COL22A1: variants seen among roughly 807,000 people sequenced by gnomAD.
COL22A1 encodes the protein collagen alpha-1(XXII) chain.
Under a neutral mutation model 248.9 loss-of-function variants are expected in COL22A1, and 221 were observed. That is an observed-to-expected ratio of 0.89 (90% CI 0.80 to 0.99). The LOEUF (loss-of-function observed/expected upper bound fraction) is 0.99. Among genes scored for constraint, COL22A1 ranks in the 50% least tolerant of loss-of-function variants. COL22A1 has a pLI of 0.00. For missense variants in COL22A1, 2,240 were observed against 2,179.0 expected (o/e 1.03, Z -0.56); for synonymous variants, 891 against 793.4 (o/e 1.12, Z -2.07).
chr8:138,635,082 C>A lies in COL22A1; in HGVS notation c.3556-19G>T, dbSNP rs78997462. Reference sequence around the variant, plus strand: ...GATGACCCTAGGAAAACACAAGATGCAATTCTTTAAAATGACTTGAAAAAT... The same window carrying A: ...GATGACCCTAGGAAAACACAAGATGAAATTCTTTAAAATGACTTGAAAAAT... On this transcript the variant is annotated intron_variant, in intron 48 of 64. Coordinates refer to ENST00000303045, the MANE Select transcript of COL22A1 (RefSeq NM_152888.3). 0.014 allele frequency: 23,017 copies of A among 1,590,312 alleles called. 238 individuals are homozygous for A. Among genetic ancestry groups the A allele is most frequent in the Non-Finnish European group, 0.018 (20,468 of 1,168,360 alleles).
In COL22A1 at chr8:138,778,410, C is replaced by T; in HGVS notation, c.1705-4G>A. The T allele has an allele frequency of 6.3e-7, 1 of 1,595,056 alleles. No individual in the cohort carries two copies. Among genetic ancestry groups the T allele is most frequent in the African/African-American group, 1.4e-5 (1 of 73,828 alleles). On this transcript the variant is annotated splice_region_variant and splice_polypyrimidine_tract_variant and intron_variant, in intron 14 of 64. Transcript: ENST00000303045. The stretch of plus-strand genomic sequence containing the variant: ...GTCCAGGTGGTCCTTGGGGCCCCTG[C>T]AGAAGAGCATTTACAGAGTAAAGTT...
At chr8:138,692,446 G>A (rs1255200625) in intron 35 of COL22A1, among the ~76,000 whole-genome samples, 7 of 145,564 alleles carry the variant, frequency 4.8e-5, no homozygotes, top group East Asian at 2.1e-4. Flanking sequence ...TGTGTGTGGA[G>A]GTGTGTGTGT....
intron 11 of COL22A1, among the ~76,000 whole-genome samples, 168 bp downstream of exon 11, chr8:138,802,704 A>G (rs1817103278): frequency 6.6e-6 from 1 of 152,172 alleles, no homozygotes; most frequent in Non-Finnish European, 1.5e-5. Context: ...GCAGGCCTCC[A>G]TGCCCATGGA....
At chr8:138,912,860 C>A (rs1815552579) in intron 1 of COL22A1, among the ~76,000 whole-genome samples, 1 of 152,154 alleles carries the variant, frequency 6.6e-6, no homozygotes, top group African/African-American at 2.4e-5. Context: ...GCAGGCGGTG[C>A]CTCCTTCTGC....
At chr8:138,590,987 G>C (rs1439671574) in intron 64 of COL22A1, among the ~76,000 whole-genome samples, 2 of 152,156 alleles carry the variant, frequency 1.3e-5, no homozygotes, top group Non-Finnish European at 2.9e-5. Context: ...TATAGTGAAA[G>C]AAAAAGGACT....
chr8:138,685,190 C>A lies in COL22A1; in HGVS notation c.2967+18G>T. ...ACCTGGTTTCTACAGGCACTGGGAC[C>A]CCCGACCTTCCACTTACCGGCTCTC... On this transcript the variant is annotated intron_variant, in intron 38 of 64. Coordinates refer to ENST00000303045, the MANE Select transcript of COL22A1 (RefSeq NM_152888.3). 6.5e-7 allele frequency: 1 copy of A among 1,544,034 alleles called. No individual in the cohort carries two copies. Among genetic ancestry groups the A allele is most frequent in the South Asian group, 1.1e-5 (1 of 88,060 alleles).
rs149082060 is a variant in COL22A1 at position 138,724,560 on chromosome 8, C to T, written c.2247+55G>A. 8.7e-4 allele frequency: 1,350 copies of T among 1,547,104 alleles called. 11 individuals carry two copies. Among genetic ancestry groups the T allele is most frequent in the Middle Eastern group, 5.1e-4 (3 of 5,922 alleles). ...CAGCTGCAAGGGCTCAGTGCTCCCC[C>T]CAGAGCAATGGGGAGAGGGAGGAGG... On this transcript the variant is annotated intron_variant, in intron 25 of 64. Coordinates refer to ENST00000303045, the MANE Select transcript of COL22A1 (RefSeq NM_152888.3).
chr8:138,628,188 G>A (rs2131983797), intron 50 of COL22A1, among the ~76,000 whole-genome samples: 1 of 152,308 alleles, frequency 6.6e-6, no homozygotes, highest in Non-Finnish European at 1.5e-5. Flanking sequence ...TTTATTTTGT[G>A]TCAAAAAGCC....
At chr8:138,610,306 A>G (rs1306044969) in intron 56 of COL22A1, among the ~76,000 whole-genome samples, 2 of 152,138 alleles carry the variant, frequency 1.3e-5, no homozygotes, top group East Asian at 3.9e-4. Flanking sequence ...GCCTATTCTT[A>G]CCTCTGGGTG....
At chr8:138,684,027 C>A (rs188704611) in intron 39 of COL22A1, among the ~76,000 whole-genome samples, 1 of 151,956 alleles carries the variant, frequency 6.6e-6, no homozygotes, top group Non-Finnish European at 1.5e-5. Context: ...TTTGGGAGGC[C>A]GAGGCAGGTA....
intron 3 of COL22A1, among the ~76,000 whole-genome samples, chr8:138,847,670 G>T (rs887316689): frequency 2.6e-5 from 4 of 152,172 alleles, no homozygotes; most frequent in Non-Finnish European, 5.9e-5. Context: ...ATAGATAAGT[G>T]GATGGGGTGG....
Position 138,663,700 on chromosome 8 carries a change from T to C in COL22A1, c.3186+5A>G, listed in dbSNP as rs781658155. 6.2e-7 allele frequency: 1 copy of C among 1,604,920 alleles called. No homozygotes were observed. Among genetic ancestry groups the C allele is most frequent in the South Asian group, 1.1e-5 (1 of 90,874 alleles). ...ACTCATCCCTTTATTTAAAGCATAC[T>C]GTACCGGGGATCCTTTGTCTCCTGG... On this transcript the variant is annotated splice_donor_5th_base_variant and intron_variant, in intron 42 of 64. Transcript: ENST00000303045.
intron 50 of COL22A1, among the ~76,000 whole-genome samples, chr8:138,628,431 A>G (rs1425184424): frequency 2.0e-5 from 3 of 152,214 alleles, no homozygotes; most frequent in African/African-American, 7.2e-5. Flanking sequence ...TACTAAAAAT[A>G]CAAAAATTAG....
At chr8:138,806,027 TGG>T (rs1817606168) in intron 10 of COL22A1, among the ~76,000 whole-genome samples, 2 of 100,548 alleles carry the variant, frequency 2.0e-5, no homozygotes, top group Non-Finnish European at 3.9e-5. Flanking sequence ...TAATGGTGTG[TGG>T]TTGTGTGTGT....
At position 138,589,162 on chromosome 8, in the gene COL22A1, G is replaced by T; in HGVS notation, c.*91C>A. 2 of 1,183,452 alleles carry T rather than the reference G, an allele frequency of 1.7e-6. No individual in the cohort carries two copies. Among genetic ancestry groups the T allele is most frequent in the Non-Finnish European group, 2.4e-6 (2 of 834,794 alleles). The allele number at this position is 1,183,452 out of a possible 1,614,324, so 73.3% of individuals were successfully genotyped here. On this transcript the variant is annotated 3_prime_UTR_variant, in exon 65 of 65. Transcript: ENST00000303045. ...AGAAAGAAAAAAAAAAGGAACACATGGCTGAAGTCTTTCAAGACCTCTGGC... is the reference window on the plus strand; with the variant it reads ...AGAAAGAAAAAAAAAAGGAACACATTGCTGAAGTCTTTCAAGACCTCTGGC...
intron 3 of COL22A1, among the ~76,000 whole-genome samples, chr8:138,875,469 G>A (rs765331722): frequency 1.1e-4 from 16 of 152,210 alleles, no homozygotes; most frequent in Non-Finnish European, 1.8e-4. Context: ...GGAAGGATCC[G>A]GAAGTAACCT....
At chr8:138,910,993 T>TTAA (rs1187981812) in intron 1 of COL22A1, among the ~76,000 whole-genome samples, 1 of 152,172 alleles carries the variant, frequency 6.6e-6, no homozygotes, top group Non-Finnish European at 1.5e-5. Flanking sequence ...ACCAGCAGAC[T>TTAA]ATTAAGGCTG....
intron 16 of COL22A1, among the ~76,000 whole-genome samples, chr8:138,772,327 A>G (rs1230667820): frequency 1.3e-5 from 2 of 152,066 alleles, no homozygotes; most frequent in Non-Finnish European, 2.9e-5. Flanking sequence ...GAGTCTACAT[A>G]TGTGTGTGGG....
Position 138,685,261 on chromosome 8 carries a change from G to C in COL22A1, c.2914C>G (p.Pro972Ala). 6.2e-7 allele frequency: 1 copy of C among 1,613,860 alleles called. No homozygotes were observed. Among genetic ancestry groups the C allele is most frequent in the Non-Finnish European group, 8.5e-7 (1 of 1,179,904 alleles). The change falls in exon 38 of 65, where the codon CCT (proline) becomes GCT (alanine). Residue 972 changes from proline (P) to alanine (A), a missense_variant. Pro to Ala is a conservative substitution (Grantham distance 27). Coordinates refer to ENST00000303045, the MANE Select transcript of COL22A1 (RefSeq NM_152888.3). ...SPGPVGPRGD[P>A]GAPGLPGPPG... is the part of the protein sequence containing the mutation. ...GGCCCAGGGAGCCCAGGAGCACCAGGATCTCCCCTGGGACCAACTGGCCCT... is the reference window on the plus strand; with the variant it reads ...GGCCCAGGGAGCCCAGGAGCACCAGCATCTCCCCTGGGACCAACTGGCCCT...
Sources: gnomAD v4.1 joint callset for allele counts (sites outside exome capture counted in the v4.1 genomes callset) on GRCh38, gnomAD v4.1.1 for gene constraint, MANE v1.5 for transcripts, NCBI Gene and HGNC (gene_info 2026-07-23, HGNC 2026-07-21) for gene names.